Variants in AHRR observed in about 807,000 individuals in gnomAD.
AHRR encodes the protein ahR repressor.
A neutral mutation model predicts 44.0 loss-of-function variants in AHRR; 28 were observed. The ratio of observed to expected loss-of-function variants is 0.64; its 90% confidence interval spans 0.47 to 0.87. The LOEUF is 0.87. Ranked by LOEUF, AHRR falls within the 40% of genes least tolerant of loss-of-function variation. The pLI is 0.00. For missense variants in AHRR, 990 were observed against 953.9 expected (o/e 1.04, Z -0.50); for synonymous variants, 434 against 407.0 (o/e 1.07, Z -0.80).
chr5:372,179 C>T (rs1184993251), intron 3 of AHRR, among the ~76,000 whole-genome samples: 1 of 152,238 alleles, frequency 6.6e-6, no homozygotes, highest in African/African-American at 2.4e-5. Flanking sequence ...CCTCCTCCCC[C>T]AGGGCTGGGG....
At position 437,747 on chromosome 5, in the gene AHRR, G is replaced by C. The variant is rs34847072; in HGVS notation, c.*2913G>C. 40,377 of 152,422 alleles carry C rather than the reference G, an allele frequency of 0.26. 6,984 individuals are homozygous for C. The highest frequency in any genetic ancestry group is 0.39 in the Non-Finnish European group (26,470 of 68,024). The allele number at this position is 152,422 out of a possible 1,614,324, so 9.4% of individuals were successfully genotyped here. On this transcript the variant is annotated 3_prime_UTR_variant, in exon 11 of 11. Coordinates refer to ENST00000684583, the MANE Select transcript of AHRR (RefSeq NM_001377236.1). ...TCAGCACGTGGGTGTTGGCTCTGCC[G>C]GTTTTGTGGTGTGGGGACCCTACAG...
chr5:328,244 A>G (rs1579582189), intron 1 of AHRR, among the ~76,000 whole-genome samples: 1 of 128,554 alleles, frequency 7.8e-6, no homozygotes, highest in African/African-American at 2.9e-5. Context: ...CTGCATCCTC[A>G]CCAACATCTG....
At chr5:390,413 C>A (rs568363642) in intron 4 of AHRR, among the ~76,000 whole-genome samples, 2 of 152,170 alleles carry the variant, frequency 1.3e-5, no homozygotes, top group African/African-American at 4.8e-5. Flanking sequence ...AGTGAAAGCA[C>A]CGCACCGACC....
At position 415,664 on chromosome 5, in the gene AHRR, C is replaced by G. The variant is rs1287121379; in HGVS notation, c.441+2231C>G. 4.6e-3 allele frequency among the ~76,000 whole-genome samples: 554 copies of G among 120,142 alleles called. 1 individual carries two copies. Among genetic ancestry groups the G allele is most frequent in the Non-Finnish European group, 5.0e-3 (266 of 53,604 alleles). 78.8% of individuals were successfully genotyped at this position (120,142 alleles called of 152,430 possible). Reference sequence around the variant, plus strand: ...CTGGTGGGGCGGGAGGCCTAGGGGCCGAATCTGCCTGGTCGGGCGGGAGGC... The same window carrying G: ...CTGGTGGGGCGGGAGGCCTAGGGGCGGAATCTGCCTGGTCGGGCGGGAGGC... On this transcript the variant is annotated intron_variant, in intron 5 of 10. Transcript: ENST00000684583.
intron 3 of AHRR, among the ~76,000 whole-genome samples, chr5:373,764 C>G (rs1160214457): frequency 6.6e-6 from 1 of 151,496 alleles, no homozygotes; most frequent in South Asian, 2.1e-4. Context: ...GCACCCGGAG[C>G]GCCCGCGCGG....
intron 4 of AHRR, among the ~76,000 whole-genome samples, chr5:412,703 T>C (rs533488219): frequency 6.9e-6 from 1 of 144,262 alleles, no homozygotes; most frequent in African/African-American, 2.5e-5. Context: ...TTCAACATTT[T>C]TCTCTCTCTC....
chr5:433,800 C>T (rs932100798), intron 10 of AHRR, 53 bp from the exon 11 acceptor site: 2 of 1,446,358 alleles, frequency 1.4e-6, no homozygotes, highest in Non-Finnish European at 9.1e-7. Context: ...CCCAGGGCAG[C>T]CAGACCTGGT....
chr5:402,206 G>A (rs872848), intron 4 of AHRR, among the ~76,000 whole-genome samples: 49,825 of 152,108 alleles, frequency 0.33, 12,401 homozygotes, highest in African/African-American at 0.7. Context: ...GCTCGGCATC[G>A]CCAGGCACAG....
chr5:407,281 T>TTG, intron 4 of AHRR, among the ~76,000 whole-genome samples: 1 of 152,348 alleles, frequency 6.6e-6, no homozygotes, highest in Non-Finnish European at 1.5e-5. Flanking sequence ...CTTTAGGATG[T>TTG]TGACTCATGC....
At chr5:420,932 C>A (rs906890211) in intron 5 of AHRR, 1 of 150,030 alleles carries the variant, frequency 6.7e-6, no homozygotes, top group Non-Finnish European at 1.2e-5. Flanking sequence ...GCACACGCAG[C>A]CACCCACCCA....
chr5:386,927 AG>A (rs1465858668), intron 4 of AHRR, among the ~76,000 whole-genome samples: 7 of 151,886 alleles, frequency 4.6e-5, no homozygotes, highest in African/African-American at 1.7e-4. Flanking sequence ...CTGGGTCCTG[AG>A]GCACCATCTA....
chr5:348,105 C>T (rs554596620), intron 2 of AHRR, among the ~76,000 whole-genome samples: 8 of 152,364 alleles, frequency 5.3e-5, no homozygotes, highest in East Asian at 1.9e-4. Flanking sequence ...GCCGGGCGGC[C>T]GGCTGGGACA....
rs115425645 is a variant in AHRR at position 406,111 on chromosome 5, C to T, written c.352-7233C>T. 0.014 allele frequency among the ~76,000 whole-genome samples: 2,126 copies of T among 152,244 alleles called. 53 individuals carry two copies. The highest frequency in any genetic ancestry group is 0.096 in the East Asian group (496 of 5,178). On this transcript the variant is annotated intron_variant, in intron 4 of 10. Coordinates refer to ENST00000684583, the MANE Select transcript of AHRR (RefSeq NM_001377236.1). The surrounding 1 kb of genome is among the most constrained non-coding windows in gnomAD (Gnocchi z 4.7). ...GGGGAAAAAAAAACTAGGGAGAAAACGGGAAAGGAAAGGCATTGTCCGGAA... is the reference window on the plus strand; with the variant it reads ...GGGGAAAAAAAAACTAGGGAGAAAATGGGAAAGGAAAGGCATTGTCCGGAA...
chr5:404,220 T>A lies in AHRR; in HGVS notation c.352-9124T>A. On this transcript the variant is annotated intron_variant, in intron 4 of 10. Transcript: ENST00000684583. The surrounding 1 kb of genome is among the most constrained non-coding windows in gnomAD (Gnocchi z 4.1). ...CCTTTGAACCCGTCGCAGCTCTCGCTCATCCATGAGTCTAATCACATCTGC... is the reference window on the plus strand; with the variant it reads ...CCTTTGAACCCGTCGCAGCTCTCGCACATCCATGAGTCTAATCACATCTGC... 1 of 520,468 alleles carries A rather than the reference T, an allele frequency of 1.9e-6. No individual in the cohort carries two copies. 32.2% of individuals were successfully genotyped at this position (520,468 alleles called of 1,614,324 possible).
intron 4 of AHRR, among the ~76,000 whole-genome samples, chr5:412,463 T>G (rs934516614): frequency 6.6e-6 from 1 of 152,158 alleles, no homozygotes; most frequent in Non-Finnish European, 1.5e-5. Flanking sequence ...GAGTGACTCG[T>G]GTCTTGATGG....
chr5:423,096 C>T (rs1178601676), intron 6 of AHRR, among the ~76,000 whole-genome samples: 1 of 152,196 alleles, frequency 6.6e-6, no homozygotes, highest in Non-Finnish European at 1.5e-5. Flanking sequence ...CTTTCCTGGG[C>T]TCTGCCAGGC....
rs1025085708 is a variant in AHRR, at chr5:436,768, T to G, written c.*1934T>G. 3.9e-5 allele frequency: 6 copies of G among 152,482 alleles called. No individual in the cohort carries two copies. The highest frequency in any genetic ancestry group is 1.4e-4 in the African/African-American group (6 of 41,450). 9.4% of individuals were successfully genotyped at this position (152,482 alleles called of 1,614,324 possible). ...CCTAAAGTCACGATGGGGACAGAGC[T>G]ACCCAGGGGCCAGCCATGGGGTGAC... On this transcript the variant is annotated 3_prime_UTR_variant, in exon 11 of 11. Coordinates refer to ENST00000684583, the MANE Select transcript of AHRR (RefSeq NM_001377236.1).
rs1431830804 is a variant in AHRR at position 404,776 on chromosome 5, T to C, written c.352-8568T>C. Among the ~76,000 whole-genome samples, 2 of 152,118 alleles carry C rather than the reference T, an allele frequency of 1.3e-5. No homozygotes were observed. ...GGTGGGAGGCTGGATGAGAAGGTGTTATGTTTTTAGGTGAAAATCGGAGGT... is the reference window on the plus strand; with the variant it reads ...GGTGGGAGGCTGGATGAGAAGGTGTCATGTTTTTAGGTGAAAATCGGAGGT... On this transcript the variant is annotated intron_variant, in intron 4 of 10. Coordinates refer to ENST00000684583, the MANE Select transcript of AHRR (RefSeq NM_001377236.1). This position sits in a 1 kb window ranked among gnomAD's most constrained non-coding sequence, Gnocchi z 4.1.
chr5:353,038 C>G (rs1026193866), intron 2 of AHRR, among the ~76,000 whole-genome samples: 2 of 152,150 alleles, frequency 1.3e-5, no homozygotes, highest in African/African-American at 4.8e-5. Context: ...CCTCTCTGGG[C>G]TCTGTGGTGT....
Sources: gnomAD v4.1 joint callset for allele counts (sites outside exome capture counted in the v4.1 genomes callset) on GRCh38, gnomAD v4.1.1 for gene constraint, Gnocchi (gnomAD v3.1) non-coding constraint, MANE v1.5 for transcripts, NCBI Gene and HGNC (gene_info 2026-07-23, HGNC 2026-07-21) for gene names.